Variants in PVT1 observed in about 807,000 individuals in gnomAD.
PVT1 encodes Pvt1 oncogene, also known as CXCR4/PVT1 fusion.
intron 2 of PVT1, among the ~76,000 whole-genome samples, chr8:127,822,842 G>A (rs1191613071): frequency 3.3e-5 from 5 of 152,172 alleles, no homozygotes; most frequent in African/African-American, 7.2e-5. Context: ...AATGTGGCAA[G>A]TGGGAAATGA....
At chr8:127,899,034 A>T (rs1393248374) in intron 3 of PVT1, among the ~76,000 whole-genome samples, 1 of 152,118 alleles carries the variant, frequency 6.6e-6, no homozygotes, top group African/African-American at 2.4e-5. Flanking sequence ...TCAGTGGGAG[A>T]TGATGGCATA....
rs1554602168 is a variant in PVT1, at chr8:127,984,915, TTCTTTC to T, written n.783-4233_783-4228del. ...TTTCTTTCTTTCTTTCTTTCTTTCT[TTCTTTC>T]TCTTTCTCTTTCTTTCTTTCTTTCC... On this transcript the variant is annotated intron_variant and non_coding_transcript_variant, in intron 3 of 10. Coordinates refer to ENST00000651587, the Ensembl canonical transcript of PVT1. 2.8e-3 allele frequency among the ~76,000 whole-genome samples: 160 copies of T among 57,400 alleles called. 2 individuals carry two copies. Among genetic ancestry groups the T allele is most frequent in the East Asian group, 0.024 (58 of 2,374 alleles). The allele number at this position is 57,400 out of a possible 152,430, so 37.7% of individuals were successfully genotyped here.
At chr8:128,090,227 G>A (rs1236714174) in intron 5 of PVT1, among the ~76,000 whole-genome samples, 2 of 152,168 alleles carry the variant, frequency 1.3e-5, no homozygotes, top group East Asian at 3.8e-4. Flanking sequence ...GGGCCTGACT[G>A]GAGTTTTTAC....
intron 2 of PVT1, among the ~76,000 whole-genome samples, chr8:127,868,826 T>C (rs1217335020): frequency 7.0e-6 from 1 of 143,706 alleles, no homozygotes; most frequent in Non-Finnish European, 1.5e-5. Context: ...TATATGTATG[T>C]ATTATCTCTT....
chr8:128,000,159 G>T (rs12164146), intron 4 of PVT1, among the ~76,000 whole-genome samples: 19,123 of 152,118 alleles, frequency 0.13, 1,563 homozygotes, highest in Non-Finnish European at 0.18. Flanking sequence ...CCTGCACACT[G>T]CTCCTAGAAC....
intron 3 of PVT1, among the ~76,000 whole-genome samples, chr8:127,941,180 G>C (rs1396057458): frequency 6.6e-6 from 1 of 152,168 alleles, no homozygotes; most frequent in African/African-American, 2.4e-5. Context: ...TTCCTTTTAG[G>C]ATTTAAATCT....
At chr8:127,865,956 G>A (rs905762065) in intron 2 of PVT1, among the ~76,000 whole-genome samples, 1 of 152,180 alleles carries the variant, frequency 6.6e-6, no homozygotes, top group African/African-American at 2.4e-5. Flanking sequence ...GACCTGGCAG[G>A]GATGGCTTAA....
intron 4 of PVT1, among the ~76,000 whole-genome samples, chr8:128,012,049 G>A (rs758083272): frequency 1.6e-4 from 24 of 152,224 alleles, no homozygotes; most frequent in Non-Finnish European, 3.4e-4. Flanking sequence ...AAACAGAAAC[G>A]ATTCCCTCTT....
At chr8:127,963,504 T>G (rs985259555) in intron 3 of PVT1, among the ~76,000 whole-genome samples, 5 of 152,220 alleles carry the variant, frequency 3.3e-5, no homozygotes, top group Non-Finnish European at 2.9e-5. Context: ...TTCCCTGAAC[T>G]ACTAACACAG....
intron 5 of PVT1, among the ~76,000 whole-genome samples, chr8:128,084,916 T>G (rs1214202008): frequency 6.6e-6 from 1 of 152,202 alleles, no homozygotes; most frequent in African/African-American, 2.4e-5. Context: ...TTTTTCTTGC[T>G]TTGCTCCCAG....
chr8:127,995,955 G>A (rs1817099523), intron 4 of PVT1, among the ~76,000 whole-genome samples: 2 of 151,942 alleles, frequency 1.3e-5, no homozygotes, highest in African/African-American at 4.8e-5. Flanking sequence ...GCTAATGAGA[G>A]GACCATTTGC....
At chr8:127,913,725 C>T (rs1443170390) in intron 3 of PVT1, among the ~76,000 whole-genome samples, 1 of 152,144 alleles carries the variant, frequency 6.6e-6, no homozygotes. Context: ...CTTGAAATCA[C>T]CTACTCAGAC....
chr8:127,804,218 A>G (rs1262610825), intron 2 of PVT1, among the ~76,000 whole-genome samples: 1 of 152,184 alleles, frequency 6.6e-6, no homozygotes, highest in Non-Finnish European at 1.5e-5. Context: ...CCTGTCTCTA[A>G]AATAAATAAA....
chr8:127,906,596 G>C (rs938785489), intron 3 of PVT1, among the ~76,000 whole-genome samples: 3 of 152,118 alleles, frequency 2.0e-5, no homozygotes, highest in Middle Eastern at 3.2e-3. Context: ...GCTCCTAGGG[G>C]TTGAGAGGGG....
chr8:127,816,515 T>A (rs79048705), intron 2 of PVT1, among the ~76,000 whole-genome samples: 3 of 150,658 alleles, frequency 2.0e-5, no homozygotes, highest in Non-Finnish European at 4.4e-5. Context: ...TGCGTATTCT[T>A]TTTTTTTTCT....
rs34623953 is a variant in PVT1 at position 127,817,460 on chromosome 8, A to AAT, written n.372+21404_372+21405dup. ...ACAGACTCAATTTAACCCTTAGGGA[A>AAT]ATATATATATATATATGTGTGTGTG... is the stretch of plus-strand genomic sequence containing the variant. On this transcript the variant is annotated intron_variant and non_coding_transcript_variant, in intron 2 of 10. Transcript: ENST00000651587. Among the ~76,000 whole-genome samples, 112 of 83,494 alleles carry AAT rather than the reference A, an allele frequency of 1.3e-3. 1 individual carries two copies. The highest frequency in any genetic ancestry group is 2.6e-3 in the East Asian group (9 of 3,436). The allele number at this position is 83,494 out of a possible 152,430, so 54.8% of individuals were successfully genotyped here.
At chr8:128,019,049 C>T (rs888993670) in intron 4 of PVT1, among the ~76,000 whole-genome samples, 1 of 152,206 alleles carries the variant, frequency 6.6e-6, no homozygotes, top group African/African-American at 2.4e-5. Context: ...CAGTTCTTAG[C>T]AGTGCATCAG....
intron 4 of PVT1, among the ~76,000 whole-genome samples, chr8:128,064,324 G>C (rs1813873380): frequency 6.6e-6 from 1 of 152,226 alleles, no homozygotes; most frequent in Non-Finnish European, 1.5e-5. Context: ...TACTCTGGTG[G>C]AACGTGTGGG....
At chr8:127,959,722 T>G (rs1400520855) in intron 3 of PVT1, among the ~76,000 whole-genome samples, 1 of 152,096 alleles carries the variant, frequency 6.6e-6, no homozygotes, top group Non-Finnish European at 1.5e-5. Flanking sequence ...GTTCAGACAT[T>G]GTTAAGCTGC....
Sources: allele counts gnomAD v4.1 joint callset (sites outside exome capture counted in the v4.1 genomes callset), GRCh38; gene constraint gnomAD v4.1.1; transcripts MANE v1.5; gene names NCBI Gene and HGNC (gene_info 2026-07-23, HGNC 2026-07-21).